Variants in ALK observed in about 807,000 individuals in gnomAD.
The protein encoded by ALK is ALK receptor tyrosine kinase, also known as ALK tyrosine kinase receptor.
A neutral mutation model predicts 163.1 loss-of-function variants in ALK; 74 were observed. That is an observed-to-expected ratio of 0.45 (90% CI 0.38 to 0.55). The LOEUF (loss-of-function observed/expected upper bound fraction) is 0.55, where lower values mean the gene tolerates loss of function less well. Ranked by LOEUF, ALK falls within the 20% of genes least tolerant of loss-of-function variation. The probability of loss-of-function intolerance (pLI) is 0.00; values close to 1 mark genes in which losing one functional copy is unlikely to be tolerated. For synonymous variants in ALK, 960 were observed against 843.2 expected, an observed-to-expected ratio of 1.14 and a Z score of -2.40; for missense variants, 2,063 against 2,105.3, an observed-to-expected ratio of 0.98 and a Z score of 0.39.
intron 13 of ALK, among the ~76,000 whole-genome samples, chr2:29,234,497 CCTAG>C (rs780346220): frequency 2.4e-4 from 36 of 152,102 alleles, no homozygotes; most frequent in Non-Finnish European, 4.9e-4. Flanking sequence ...TCTCATTCCT[CCTAG>C]CTAATGTTCC....
chr2:29,859,393 G>A (rs372025603), intron 1 of ALK, among the ~76,000 whole-genome samples: 129 of 152,328 alleles, frequency 8.5e-4, no homozygotes, highest in African/African-American at 2.9e-3. Context: ...CAAGTGGCAC[G>A]TGTAAAGAAA....
At chr2:29,470,987 A>G (rs1292653631) in intron 4 of ALK, among the ~76,000 whole-genome samples, 1 of 152,196 alleles carries the variant, frequency 6.6e-6, no homozygotes, top group African/African-American at 2.4e-5. Flanking sequence ...AGTGGCAAGC[A>G]TACTAATTTA....
rs553249460 is a variant in ALK at position 29,779,440 on chromosome 2, T to C, written c.668-61743A>G. On this transcript the variant is annotated intron_variant, in intron 1 of 28. Coordinates refer to ENST00000389048, the MANE Select transcript of ALK (RefSeq NM_004304.5). ...AAAAAGGTGTGCACTTTCAAATACC[T>C]CGAGGGGGCTTTAGAAAAGTAGCTT... Among the ~76,000 whole-genome samples, 4 of 152,260 alleles carry C rather than the reference T, an allele frequency of 2.6e-5. No homozygotes were observed. The East Asian group carries it at 7.7e-4, about 29-fold the overall frequency.
At chr2:29,850,134 A>C (rs2148400216) in intron 1 of ALK, among the ~76,000 whole-genome samples, 1 of 152,356 alleles carries the variant, frequency 6.6e-6, no homozygotes, top group African/African-American at 2.4e-5. Context: ...ACCTGATGGA[A>C]TATCACACAG....
chr2:29,559,599 T>C (rs1344629586), intron 3 of ALK, among the ~76,000 whole-genome samples: 1 of 152,220 alleles, frequency 6.6e-6, no homozygotes, highest in Non-Finnish European at 1.5e-5. Flanking sequence ...CCATGAGAAA[T>C]GTGTTTCAAG....
chr2:29,822,999 C>T (rs554160819), intron 1 of ALK, among the ~76,000 whole-genome samples: 1 of 152,188 alleles, frequency 6.6e-6, no homozygotes. Flanking sequence ...TGTCCCCACC[C>T]AAAACTCATC....
rs985213190 is a variant in ALK, at chr2:29,222,255, C to T, written c.3515+89G>A. The T allele has an allele frequency of 3.3e-6, 4 of 1,198,360 alleles. No individual in the cohort carries two copies. In the African/African-American group the frequency reaches 4.5e-5, roughly 13 times the overall value. The allele number at this position is 1,198,360 out of a possible 1,614,324, so 74.2% of individuals were successfully genotyped here. On this transcript the variant is annotated intron_variant, in intron 22 of 28. Transcript: ENST00000389048. ...GGACATGCTAGGGACAACACGATTT[C>T]CCTTGGAGATATCGATCTGTTAGAA...
intron 5 of ALK, among the ~76,000 whole-genome samples, chr2:29,337,216 T>C (rs1241116898): frequency 6.6e-6 from 1 of 152,186 alleles, no homozygotes; most frequent in African/African-American, 2.4e-5. Context: ...GCCTCCTCAG[T>C]TGTAGTGTGG....
chr2:29,489,893 CA>C (rs1429413701), intron 4 of ALK, among the ~76,000 whole-genome samples: 2 of 152,156 alleles, frequency 1.3e-5, no homozygotes, highest in Admixed American at 6.5e-5. Context: ...ACAAGAAAGC[CA>C]ATAGCAGGCA....
chr2:29,811,611 C>G (rs1354338512), intron 1 of ALK, among the ~76,000 whole-genome samples: 1 of 152,172 alleles, frequency 6.6e-6, no homozygotes, highest in African/African-American at 2.4e-5. Flanking sequence ...GCTCCTAACA[C>G]AAACTGATTT....
chr2:29,628,754 C>G (rs1395065664), intron 3 of ALK, among the ~76,000 whole-genome samples: 1 of 152,068 alleles, frequency 6.6e-6, no homozygotes, highest in African/African-American at 2.4e-5. Flanking sequence ...TGATCTCAAG[C>G]AATTCAATGC....
At chr2:29,252,662 G>A (rs1370305053) in intron 11 of ALK, among the ~76,000 whole-genome samples, 4 of 152,040 alleles carry the variant, frequency 2.6e-5, no homozygotes, top group Non-Finnish European at 4.4e-5. Context: ...TACTCAGCAC[G>A]GAGTCCTCAA....
At position 29,563,817 on chromosome 2, in the gene ALK, A is replaced by G. The variant is rs565154001; in HGVS notation, c.953-31701T>C. ...GTCCCTTCCTAAAACTAGCCCTCAA[A>G]GAGATAAGGAGCATACACACAAGTA... On this transcript the variant is annotated intron_variant, in intron 3 of 28. Coordinates refer to ENST00000389048, the MANE Select transcript of ALK (RefSeq NM_004304.5). Among the ~76,000 whole-genome samples, 6 of 152,354 alleles carry G rather than the reference A, an allele frequency of 3.9e-5. No homozygotes were observed. In the South Asian group the frequency reaches 1.2e-3, roughly 32 times the overall value.
chr2:29,480,623 A>G (rs1407493658), intron 4 of ALK, among the ~76,000 whole-genome samples: 1 of 151,890 alleles, frequency 6.6e-6, no homozygotes, highest in African/African-American at 2.4e-5. Flanking sequence ...TTGTCAGTCA[A>G]TCTGCCCACT....
intron 1 of ALK, among the ~76,000 whole-genome samples, chr2:29,827,185 G>C (rs953240262): frequency 2.0e-5 from 3 of 152,228 alleles, no homozygotes; most frequent in Non-Finnish European, 2.9e-5. Context: ...GCAGCTCTGG[G>C]AGCATGGTTT....
intron 1 of ALK, among the ~76,000 whole-genome samples, chr2:29,852,077 G>A (rs963155354): frequency 2.0e-5 from 3 of 152,142 alleles, no homozygotes; most frequent in South Asian, 2.1e-4. Context: ...AAAACTCATC[G>A]ATTTTTCTCT....
At chr2:29,478,861 G>A (rs573781754) in intron 4 of ALK, among the ~76,000 whole-genome samples, 1 of 152,248 alleles carries the variant, frequency 6.6e-6, no homozygotes, top group Non-Finnish European at 1.5e-5. Flanking sequence ...GCAGAGGGTG[G>A]GAGCATAGCT....
intron 3 of ALK, among the ~76,000 whole-genome samples, chr2:29,637,570 G>T (rs569170998): frequency 6.6e-6 from 1 of 151,934 alleles, no homozygotes; most frequent in African/African-American, 2.4e-5. Context: ...TTAGCCGGGC[G>T]TGGTGGTATA....
At chr2:29,395,395 C>T (rs1039579930) in intron 4 of ALK, among the ~76,000 whole-genome samples, 1 of 152,178 alleles carries the variant, frequency 6.6e-6, no homozygotes, top group South Asian at 2.1e-4. Context: ...AAGAATAGCT[C>T]ACAGACTTGT....
Sources: gnomAD v4.1 joint callset for allele counts (sites outside exome capture counted in the v4.1 genomes callset) on GRCh38, gnomAD v4.1.1 for gene constraint, MANE v1.5 for transcripts, NCBI Gene and HGNC (gene_info 2026-07-23, HGNC 2026-07-21) for gene names.